Variants in CYP4F3 observed in about 807,000 individuals in gnomAD.
CYP4F3 encodes cytochrome P450 family 4 subfamily F member 3, also known as cytochrome P450 4F3.
A neutral mutation model predicts 54.8 loss-of-function variants in CYP4F3; 50 were observed. That is an observed-to-expected ratio of 0.91 (90% CI 0.73 to 1.16). The LOEUF (loss-of-function observed/expected upper bound fraction) is 1.16, where lower values mean the gene tolerates loss of function less well. CYP4F3 is among the 50% of genes most tolerant of loss of function. The probability of loss-of-function intolerance (pLI) is 0.00; values close to 1 mark genes in which losing one functional copy is unlikely to be tolerated. For synonymous variants in CYP4F3, 244 were observed against 262.6 expected, an observed-to-expected ratio of 0.93 and a Z score of 0.69; for missense variants, 715 against 676.2, an observed-to-expected ratio of 1.06 and a Z score of -0.64.
At chr19:15,650,297 G>A (rs754466639) in intron 7 of CYP4F3, 114 bp downstream of exon 7, 1 of 1,595,434 alleles carries the variant, frequency 6.3e-7, no homozygotes, top group South Asian at 1.1e-5. Context: ...GAAGGTGATT[G>A]AGGAAGGGAG....
chr19:15,659,383 T>C lies in CYP4F3; in HGVS notation c.1561T>C (p.Ter521ArgextTer12), dbSNP rs1228908242. ...GLWLRVEPLS[*>R] ...TTGGCTGCGGGTGGAGCCCCTGAGCTGAGTTCTGCAGAGACCCACTCTGAC... is the reference window on the plus strand; with the variant it reads ...TTGGCTGCGGGTGGAGCCCCTGAGCCGAGTTCTGCAGAGACCCACTCTGAC... Residue 521 changes from the stop codon to arginine, a stop_lost, in exon 13 of 13, where the codon TGA becomes CGA. Transcript: ENST00000221307. The C allele has an allele frequency of 1.9e-6, 3 of 1,611,108 alleles. No individual in the cohort carries two copies. In the East Asian group the frequency reaches 6.7e-5, roughly 36 times the overall value.
chr19:15,645,710 T>C lies in CYP4F3; in HGVS notation c.199-9T>C. ...GAGCATGAATTGGGTCCTGTGTCTT[T>C]CTCTCCAGATTCACAGCTCGGAGGA... On this transcript the variant is annotated splice_polypyrimidine_tract_variant and intron_variant, in intron 2 of 12. Coordinates refer to ENST00000221307, the MANE Select transcript of CYP4F3 (RefSeq NM_000896.3). The C allele has an allele frequency of 2.5e-6, 4 of 1,599,958 alleles. No homozygotes were observed. The highest frequency in any genetic ancestry group is 3.4e-6 in the Non-Finnish European group (4 of 1,170,132).
rs1317528870 is a variant in CYP4F3, at chr19:15,661,703, T to C, written c.*2318T>C. On this transcript the variant is annotated 3_prime_UTR_variant, in exon 13 of 13. Transcript: ENST00000221307. ...CTTCTTCCTAGTCTCTGAAGTTTCTTTCTTTCATAGAGCAAACGTTTTAAA... is the reference window on the plus strand; with the variant it reads ...CTTCTTCCTAGTCTCTGAAGTTTCTCTCTTTCATAGAGCAAACGTTTTAAA... 6.6e-6 allele frequency: 1 copy of C among 152,260 alleles called. No individual in the cohort carries two copies. The highest frequency in any genetic ancestry group is 1.9e-4 in the East Asian group (1 of 5,206). The allele number at this position is 152,260 out of a possible 1,614,324, so 9.4% of individuals were successfully genotyped here.
At chr19:15,656,742 A>ATCTG (rs1443309664) in intron 9 of CYP4F3, among the ~76,000 whole-genome samples, 1 of 95,660 alleles carries the variant, frequency 1.0e-5, no homozygotes, top group African/African-American at 4.4e-5. Flanking sequence ...CTATCTATCT[A>ATCTG]TCTATCTATC....
In CYP4F3 at chr19:15,662,666, T is replaced by C. The variant is rs539062643; in HGVS notation, c.*3281T>C. 2 of 152,372 alleles carry C rather than the reference T, an allele frequency of 1.3e-5. No individual in the cohort carries two copies. The highest frequency in any genetic ancestry group is 6.5e-5 in the Admixed American group (1 of 15,306). The allele number at this position is 152,372 out of a possible 1,614,324, so 9.4% of individuals were successfully genotyped here. ...TAATGATATTGATTCTCCCAATTCA[T>C]GAATATAGTATACCCCTGTATTTAT... On this transcript the variant is annotated 3_prime_UTR_variant, in exon 13 of 13. Coordinates refer to ENST00000221307, the MANE Select transcript of CYP4F3 (RefSeq NM_000896.3).
intron 3 of CYP4F3, among the ~76,000 whole-genome samples, chr19:15,646,821 A>T (rs942312332): frequency 6.6e-6 from 1 of 152,128 alleles, no homozygotes; most frequent in African/African-American, 2.4e-5. Context: ...GCCCTGACAT[A>T]GCTCCTACGT....
chr19:15,645,939 C>A, intron 3 of CYP4F3, 76 bp downstream of exon 3: 1 of 1,473,732 alleles, frequency 6.8e-7, no homozygotes, highest in African/African-American at 1.4e-5. Flanking sequence ...CTCTGTGCTG[C>A]CTCCAGCGGG....
chr19:15,655,706 G>A (rs1972993665), intron 9 of CYP4F3, among the ~76,000 whole-genome samples: 1 of 152,168 alleles, frequency 6.6e-6, no homozygotes, highest in Non-Finnish European at 1.5e-5. Flanking sequence ...ATAGACACGG[G>A]TCTGCATATT....
intron 6 of CYP4F3, 81 bp downstream of exon 6, chr19:15,649,362 G>C: frequency 6.2e-7 from 1 of 1,601,312 alleles, no homozygotes; most frequent in Non-Finnish European, 8.5e-7. Context: ...ACTGAGCAGG[G>C]AAATCAGACA....
At position 15,656,509 on chromosome 19, in the gene CYP4F3, C is replaced by G. The variant is rs199682448; in HGVS notation, c.1116-1755C>G. Among the ~76,000 whole-genome samples, 152 of 64,954 alleles carry G rather than the reference C, an allele frequency of 2.3e-3. 4 individuals carry two copies. The East Asian group carries it at 0.091, about 39-fold the overall frequency. 42.6% of individuals were successfully genotyped at this position (64,954 alleles called of 152,430 possible). A position where few individuals can be genotyped will look rare whatever the true frequency, so the allele number is the denominator to read the frequency against. Reference sequence around the variant, plus strand: ...TCTATCTATCTATCTATCTATCTATCTATCTATCTATCTATTTCTATCATC... The same window carrying G: ...TCTATCTATCTATCTATCTATCTATGTATCTATCTATCTATTTCTATCATC... On this transcript the variant is annotated intron_variant, in intron 9 of 12. Transcript: ENST00000221307.
At chr19:15,647,365 T>C (rs762374417) in intron 5 of CYP4F3, 41 bp downstream of exon 5, 9 of 1,612,664 alleles carry the variant, frequency 5.6e-6, no homozygotes, top group African/African-American at 1.3e-5. Context: ...CAGCCTTTGG[T>C]TGGGGGGAAC....
At chr19:15,650,672 C>CTTTCTT (rs1972776266) in intron 7 of CYP4F3, among the ~76,000 whole-genome samples, 1 of 42,062 alleles carries the variant, frequency 2.4e-5, no homozygotes, top group Non-Finnish European at 4.1e-5. Flanking sequence ...TTCTTTCTTT[C>CTTTCTT]TTTCTTTCTT....
chr19:15,650,828 T>TTCTCTCTCTTC (rs1972821387), intron 7 of CYP4F3, among the ~76,000 whole-genome samples: 1 of 17,116 alleles, frequency 5.8e-5, no homozygotes, highest in East Asian at 4.6e-3. Context: ...CTTTCTTTCT[T>TTCTCTCTCTTC]TCTTTCTTTC....
chr19:15,658,437 G>C (rs1342052654), intron 10 of CYP4F3, 40 bp downstream of exon 10: 3 of 1,613,678 alleles, frequency 1.9e-6, no homozygotes, highest in Non-Finnish European at 8.5e-7. Context: ...TGGGTAGGAA[G>C]AGGGGCCCCT....
At chr19:15,652,479 A>G in intron 7 of CYP4F3, 90 bp from the exon 8 acceptor site, 2 of 1,558,108 alleles carry the variant, frequency 1.3e-6, no homozygotes, top group Non-Finnish European at 1.7e-6. Context: ...ATGAATCTTC[A>G]GAGACTGTCT....
intron 5 of CYP4F3, among the ~76,000 whole-genome samples, chr19:15,648,738 ATG>A (rs925290227): frequency 1.6e-4 from 25 of 152,174 alleles, no homozygotes; most frequent in African/African-American, 5.8e-4. Flanking sequence ...ATGGTAGATG[ATG>A]AAACTGCAGG....
In CYP4F3 at chr19:15,662,649, T is replaced by C. The variant is rs1011755571; in HGVS notation, c.*3264T>C. 6.6e-6 allele frequency: 1 copy of C among 152,242 alleles called. No individual in the cohort carries two copies. Among genetic ancestry groups the C allele is most frequent in the African/African-American group, 2.4e-5 (1 of 41,472 alleles). The allele number at this position is 152,242 out of a possible 1,614,324, so 9.4% of individuals were successfully genotyped here. A position where few individuals can be genotyped will look rare whatever the true frequency, so the allele number is the denominator to read the frequency against. On this transcript the variant is annotated 3_prime_UTR_variant, in exon 13 of 13. Coordinates refer to ENST00000221307, the MANE Select transcript of CYP4F3 (RefSeq NM_000896.3). ...AATCTGAGGAGACTTAATAATGATA[T>C]TGATTCTCCCAATTCATGAATATAG... is the stretch of plus-strand genomic sequence containing the variant.
chr19:15,650,440 C>A, intron 7 of CYP4F3: 1 of 645,908 alleles, frequency 1.5e-6, no homozygotes, highest in African/African-American at 1.8e-5. Flanking sequence ...ACCTTTTAAT[C>A]TATATATCTA....
At chr19:15,642,971 ATAGG>A (rs996592249) in intron 2 of CYP4F3, among the ~76,000 whole-genome samples, 9 of 152,056 alleles carry the variant, frequency 5.9e-5, no homozygotes, top group African/African-American at 2.2e-4. Flanking sequence ...AGGTGGATAG[ATAGG>A]TAGAGTGGAT....
Sources: allele counts gnomAD v4.1 joint callset (sites outside exome capture counted in the v4.1 genomes callset), GRCh38; gene constraint gnomAD v4.1.1; transcripts MANE v1.5; gene names NCBI Gene and HGNC (gene_info 2026-07-23, HGNC 2026-07-21).